Variants in CSTPP1 observed in about 807,000 individuals in gnomAD.
The protein encoded by CSTPP1 is centriolar satellite-associated tubulin polyglutamylase complex regulator 1.
At chr11:47,038,437 G>A in the CSTPP1 span, among the ~76,000 whole-genome samples, 7 of 101,352 alleles carry the variant, frequency 6.9e-5, 1 homozygote, top group East Asian at 1.9e-3. Context: ...CGGATGGGGC[G>A]GCTGGCCGGG....
chr11:47,100,876 T>G, the CSTPP1 span, among the ~76,000 whole-genome samples: 1 of 152,116 alleles, frequency 6.6e-6, no homozygotes, highest in African/African-American at 2.4e-5. Context: ...TCTTTGCTTT[T>G]GTTTTTAATA....
chr11:47,074,901 T>G, the CSTPP1 span, among the ~76,000 whole-genome samples: 2 of 152,218 alleles, frequency 1.3e-5, no homozygotes, highest in African/African-American at 2.4e-5. Context: ...TAGTGTGTCC[T>G]CTGTGCCAGG....
chr11:47,013,010 A>G, the CSTPP1 span, among the ~76,000 whole-genome samples: 1 of 146,280 alleles, frequency 6.8e-6, no homozygotes, highest in Non-Finnish European at 1.5e-5. Context: ...TATATATTTT[A>G]TTATATAAAT....
chr11:47,087,717 ATG>A, the CSTPP1 span, among the ~76,000 whole-genome samples: 66 of 150,086 alleles, frequency 4.4e-4, no homozygotes, highest in Admixed American at 7.3e-4. Context: ...TGTCAAATGT[ATG>A]TGTGTGTGTG....
chr11:46,949,685 T>TG, the CSTPP1 span, among the ~76,000 whole-genome samples: 1 of 148,560 alleles, frequency 6.7e-6, no homozygotes, highest in African/African-American at 2.6e-5. Context: ...TTTTTTTTTT[T>TG]GAGACAGAGT....
the CSTPP1 span, among the ~76,000 whole-genome samples, chr11:46,953,041 A>G: frequency 1.3e-5 from 2 of 152,212 alleles, no homozygotes; most frequent in Non-Finnish European, 2.9e-5. Flanking sequence ...AGGCAGTGCC[A>G]CAGACACTGG....
chr11:47,080,252 G>A, the CSTPP1 span, among the ~76,000 whole-genome samples: 3 of 151,952 alleles, frequency 2.0e-5, no homozygotes, highest in East Asian at 3.9e-4. Context: ...TCAGGAGATC[G>A]AGACCATCCT....
At chr11:46,940,950 T>G in the CSTPP1 span, among the ~76,000 whole-genome samples, 1 of 152,206 alleles carries the variant, frequency 6.6e-6, no homozygotes, top group East Asian at 1.9e-4. Flanking sequence ...CCTTGGTGAA[T>G]AGAAGTTGGT....
chr11:47,017,741 C>T, the CSTPP1 span, among the ~76,000 whole-genome samples: 1 of 151,336 alleles, frequency 6.6e-6, no homozygotes, highest in African/African-American at 2.4e-5. Flanking sequence ...GATCTTGGCT[C>T]ACTGAAACCT....
chr11:47,030,126 C>T, the CSTPP1 span, among the ~76,000 whole-genome samples: 2 of 151,506 alleles, frequency 1.3e-5, no homozygotes, highest in Non-Finnish European at 2.9e-5. Flanking sequence ...GACCCTGCCT[C>T]AAAACAAAAC....
the CSTPP1 span, among the ~76,000 whole-genome samples, chr11:47,067,761 T>C: frequency 6.6e-6 from 1 of 152,254 alleles, no homozygotes. Context: ...ACTCAGTCTA[T>C]GGTATTTGTT....
At chr11:46,975,283 A>T in the CSTPP1 span, among the ~76,000 whole-genome samples, 2 of 152,230 alleles carry the variant, frequency 1.3e-5, no homozygotes, top group East Asian at 3.8e-4. Flanking sequence ...TCTCAAAAAA[A>T]TTTTAAAAGT....
At chr11:46,966,079 T>C in the CSTPP1 span, among the ~76,000 whole-genome samples, 8 of 152,150 alleles carry the variant, frequency 5.3e-5, no homozygotes, top group Non-Finnish European at 1.0e-4. Context: ...AATCTTGCTG[T>C]GTCACCAGGC....
the CSTPP1 span, among the ~76,000 whole-genome samples, chr11:47,016,397 C>CAAAAAAAAAAAA: frequency 6.7e-5 from 5 of 74,680 alleles, no homozygotes; most frequent in African/African-American, 1.2e-4. Flanking sequence ...CTACAAAAAA[C>CAAAAAAAAAAAA]AAAAAACAAA....
the CSTPP1 span, among the ~76,000 whole-genome samples, chr11:47,159,302 G>A: frequency 6.6e-6 from 1 of 152,028 alleles, no homozygotes; most frequent in Admixed American, 6.6e-5. Context: ...CTAAGGTCAG[G>A]AGTTCAAGAC....
the CSTPP1 span, among the ~76,000 whole-genome samples, chr11:46,940,137 T>G: frequency 6.6e-6 from 1 of 152,210 alleles, no homozygotes; most frequent in Non-Finnish European, 1.5e-5. Context: ...CTTCCCAAAG[T>G]CCTGGGATTA....
chr11:47,085,432 C>T, the CSTPP1 span, among the ~76,000 whole-genome samples: 1 of 152,044 alleles, frequency 6.6e-6, no homozygotes, highest in Non-Finnish European at 1.5e-5. Flanking sequence ...AGAGCATTCA[C>T]CTCTATTTTG....
the CSTPP1 span, among the ~76,000 whole-genome samples, chr11:46,989,216 A>G: frequency 3.9e-5 from 6 of 152,008 alleles, no homozygotes; most frequent in African/African-American, 1.4e-4. Flanking sequence ...GCCAACAGAG[A>G]GAGACTCCGT....
At chr11:47,091,517 G>A in the CSTPP1 span, among the ~76,000 whole-genome samples, 1 of 152,190 alleles carries the variant, frequency 6.6e-6, no homozygotes, top group African/African-American at 2.4e-5. Context: ...TTTCTGAGAA[G>A]GAATGATGTT....
Sources: allele counts gnomAD v4.1 joint callset (sites outside exome capture counted in the v4.1 genomes callset), GRCh38; gene constraint gnomAD v4.1.1; transcripts MANE v1.5; gene names NCBI Gene and HGNC (gene_info 2026-07-23, HGNC 2026-07-21).